Variants in RASGEF1C observed in about 807,000 individuals in gnomAD.
RASGEF1C encodes RasGEF domain family member 1C.
Under a neutral mutation model 58.1 loss-of-function variants are expected in RASGEF1C, and 27 were observed. That is an observed-to-expected ratio of 0.46 (90% confidence interval 0.34 to 0.64). The LOEUF (loss-of-function observed/expected upper bound fraction) is 0.64, where lower values mean the gene tolerates loss of function less well. Ranked by LOEUF, RASGEF1C falls within the 30% of genes least tolerant of loss-of-function variation. The pLI is 0.01. For synonymous variants in RASGEF1C, 243 were observed against 246.3 expected (o/e 0.99, Z 0.13); for missense variants, 502 against 605.1 (o/e 0.83, Z 1.79).
chr5:180,126,636 C>T lies in RASGEF1C; in HGVS notation c.714+973G>A, dbSNP rs1042968487. Among the ~76,000 whole-genome samples the T allele has an allele frequency of 2.0e-5, 3 of 152,158 alleles. No homozygotes were observed. In the East Asian group the frequency reaches 5.8e-4, roughly 29 times the overall value. ...GGATAGGTCTTGGAGGTTGTTCTGT[C>T]CACCTTATTCCCTTTCACAGCTGCA... On this transcript the variant is annotated intron_variant, in intron 6 of 13. Coordinates refer to ENST00000361132, the MANE Select transcript of RASGEF1C (RefSeq NM_175062.4).
intron 1 of RASGEF1C, among the ~76,000 whole-genome samples, chr5:180,187,434 T>C (rs1245412896): frequency 1.3e-5 from 2 of 152,110 alleles, no homozygotes; most frequent in East Asian, 1.9e-4. Context: ...TAAAAACCTG[T>C]GTACATCAAA....
chr5:180,172,392 TC>T (rs1767126010), intron 1 of RASGEF1C, among the ~76,000 whole-genome samples: 1 of 152,120 alleles, frequency 6.6e-6, no homozygotes, highest in Non-Finnish European at 1.5e-5. Flanking sequence ...CTGCGTGTGT[TC>T]CCCTGGCCTC....
chr5:180,116,748 C>T (rs918337190), intron 10 of RASGEF1C, among the ~76,000 whole-genome samples: 8 of 152,344 alleles, frequency 5.3e-5, no homozygotes, highest in African/African-American at 1.4e-4. Context: ...CAGCCCAGCT[C>T]GGCACCAAGC....
At chr5:180,142,422 G>T (rs146769078) in intron 1 of RASGEF1C, among the ~76,000 whole-genome samples, 1,767 of 152,256 alleles carry the variant, frequency 0.012, 42 homozygotes, top group African/African-American at 0.041. Flanking sequence ...TACCAAGAGC[G>T]TTATGTTCTA....
chr5:180,190,510 AATAAT>A (rs1756144740), intron 1 of RASGEF1C, among the ~76,000 whole-genome samples: 7 of 86,670 alleles, frequency 8.1e-5, no homozygotes, highest in South Asian at 4.1e-4. Context: ...AAAAAAAAAT[AATAAT>A]AATAATAATA....
At chr5:180,115,203 C>T (rs748544947) in intron 10 of RASGEF1C, 16 of 372,376 alleles carry the variant, frequency 4.3e-5, no homozygotes, top group South Asian at 2.0e-4. Flanking sequence ...TTAGTAGAGA[C>T]GGGGGTTTCA....
intron 1 of RASGEF1C, among the ~76,000 whole-genome samples, chr5:180,181,918 C>T (rs1767337449): frequency 6.6e-6 from 1 of 151,926 alleles, no homozygotes. Flanking sequence ...AGAATGAAGC[C>T]ATGGGCCGGG....
Position 180,143,884 on chromosome 5 carries a change from C to T in RASGEF1C, c.-6-5826G>A, listed in dbSNP as rs952574287. On this transcript the variant is annotated intron_variant, in intron 1 of 13. Transcript: ENST00000361132. This position sits in a 1 kb window ranked among gnomAD's most constrained non-coding sequence, Gnocchi z 4.3. ...AAGAAAAGCAGGTGGCTGGTCAGAG[C>T]GCGTCCTGGGGGCTGGAGGGATGTT... 1.3e-5 allele frequency among the ~76,000 whole-genome samples: 2 copies of T among 152,082 alleles called. No individual in the cohort carries two copies. Among genetic ancestry groups the T allele is most frequent in the Non-Finnish European group, 1.5e-5 (1 of 68,020 alleles).
intron 1 of RASGEF1C, among the ~76,000 whole-genome samples, chr5:180,176,608 G>A (rs1021675306): frequency 6.6e-6 from 1 of 150,572 alleles, no homozygotes; most frequent in Non-Finnish European, 1.5e-5. Context: ...CCAGGCTGGA[G>A]TGCAGTGGCG....
chr5:180,116,952 C>T (rs1368535426), intron 10 of RASGEF1C, among the ~76,000 whole-genome samples: 5 of 152,240 alleles, frequency 3.3e-5, no homozygotes, highest in African/African-American at 4.8e-5. Flanking sequence ...GTCTCCCGCC[C>T]GAGACTCAGT....
chr5:180,135,210 A>G (rs1473046038), intron 4 of RASGEF1C: 2 of 151,522 alleles, frequency 1.3e-5, no homozygotes, highest in Non-Finnish European at 2.9e-5. Flanking sequence ...AGAGGAAACC[A>G]CTCTCACCTC....
chr5:180,149,150 C>T (rs1306406968), intron 1 of RASGEF1C, among the ~76,000 whole-genome samples: 1 of 137,316 alleles, frequency 7.3e-6, no homozygotes, highest in Non-Finnish European at 1.5e-5. Context: ...TGCAATGGCA[C>T]AATCTCGGCT....
chr5:180,127,574 G>A (rs755223257), intron 6 of RASGEF1C, 35 bp downstream of exon 6: 12 of 1,574,084 alleles, frequency 7.6e-6, no homozygotes, highest in Admixed American at 1.9e-5. Context: ...ACTGGGTGAG[G>A]CTCACTTTTG....
At chr5:180,178,785 G>A (rs141461759) in intron 1 of RASGEF1C, among the ~76,000 whole-genome samples, 3 of 152,246 alleles carry the variant, frequency 2.0e-5, no homozygotes, top group East Asian at 1.9e-4. Flanking sequence ...ATGAGACCCC[G>A]GGGCGTCACT....
At position 180,177,547 on chromosome 5, in the gene RASGEF1C, G is replaced by A. The variant is rs868086813; in HGVS notation, c.-7+31481C>T. Among the ~76,000 whole-genome samples, 75 of 152,226 alleles carry A rather than the reference G, an allele frequency of 4.9e-4. 1 individual carries two copies. The highest frequency in any genetic ancestry group is 1.7e-3 in the African/African-American group (70 of 41,466). On this transcript the variant is annotated intron_variant, in intron 1 of 13. Transcript: ENST00000361132. This position sits in a 1 kb window ranked among gnomAD's most constrained non-coding sequence, Gnocchi z 5.0. ...GCCATGGCCTCTGCGGCTTCTGCCT[G>A]GCCAGCATCTGTTCTTCCCTCTGAA...
intron 12 of RASGEF1C, among the ~76,000 whole-genome samples, chr5:180,105,457 G>A (rs1765859961): frequency 6.6e-6 from 1 of 152,076 alleles, no homozygotes; most frequent in South Asian, 2.1e-4. Context: ...AGCTACTCGG[G>A]AGGCTGAGGC....
chr5:180,117,326 C>A (rs964180567), intron 10 of RASGEF1C, among the ~76,000 whole-genome samples: 1 of 152,226 alleles, frequency 6.6e-6, no homozygotes, highest in African/African-American at 2.4e-5. Flanking sequence ...CAAGCGTGCA[C>A]ACCTCAGCTT....
chr5:180,179,624 G>A (rs1015482251), intron 1 of RASGEF1C, among the ~76,000 whole-genome samples: 4 of 152,332 alleles, frequency 2.6e-5, no homozygotes, highest in East Asian at 3.9e-4. Context: ...CCACGCTGCC[G>A]AGAGGCTGGG....
At chr5:180,103,143 T>G (rs1354883842) in intron 12 of RASGEF1C, among the ~76,000 whole-genome samples, 2 of 152,226 alleles carry the variant, frequency 1.3e-5, no homozygotes, top group African/African-American at 2.4e-5. Context: ...AGTGGCGCGA[T>G]CTCGGCTCAC....
Sources: allele counts gnomAD v4.1 joint callset (sites outside exome capture counted in the v4.1 genomes callset), GRCh38; gene constraint gnomAD v4.1.1; non-coding constraint Gnocchi (gnomAD v3.1); transcripts MANE v1.5; gene names NCBI Gene and HGNC (gene_info 2026-07-23, HGNC 2026-07-21).